Variants in PCDHGA5 observed in about 807,000 individuals in gnomAD.
PCDHGA5 encodes the protein protocadherin gamma-A5.
A neutral mutation model predicts 56.7 loss-of-function variants in PCDHGA5; 36 were observed. The observed-to-expected ratio is 0.64, with a 90% confidence interval of 0.49 to 0.84. PCDHGA5 has a LOEUF of 0.84. PCDHGA5 is among the 40% of genes least tolerant of loss of function. The pLI is 0.00. For missense variants in PCDHGA5, 1,305 were observed against 1,201.5 expected, an observed-to-expected ratio of 1.09 and a Z score of -1.27; for synonymous variants, 563 against 520.2, an observed-to-expected ratio of 1.08 and a Z score of -1.12.
intron 1 of PCDHGA5, among the ~76,000 whole-genome samples, chr5:141,453,258 T>A (rs1336801456): frequency 1.6e-4 from 25 of 152,096 alleles, no homozygotes; most frequent in Admixed American, 1.6e-3. Flanking sequence ...GGGCTGCAAG[T>A]GCACACCACC....
In PCDHGA5 at chr5:141,422,057, A is replaced by T. The variant is rs1356083259; in HGVS notation, c.2421+55306A>T. 3.1e-6 allele frequency: 5 copies of T among 1,611,974 alleles called. No individual in the cohort carries two copies. The South Asian group carries it at 5.5e-5, about 18-fold the overall frequency. On this transcript the variant is annotated intron_variant, in intron 1 of 3. Transcript: ENST00000518069. The stretch of plus-strand genomic sequence containing the variant: ...GATCCAGACGAGGGAATCAACGGGG[A>T]AGTAATGTATTCATTTCGGAACATG...
chr5:141,438,685 G>A (rs2098051190), intron 1 of PCDHGA5, among the ~76,000 whole-genome samples: 1 of 143,314 alleles, frequency 7.0e-6, no homozygotes, highest in Non-Finnish European at 1.5e-5. Context: ...GTAGGGGATG[G>A]AGTCTTGCTC....
chr5:141,444,470 C>T (rs1275997551), intron 1 of PCDHGA5, among the ~76,000 whole-genome samples: 2 of 152,058 alleles, frequency 1.3e-5, no homozygotes, highest in African/African-American at 2.4e-5. Flanking sequence ...TGCGCCCGGT[C>T]GCGTACTGGA....
intron 1 of PCDHGA5, chr5:141,415,323 G>C: frequency 1.9e-6 from 3 of 1,614,236 alleles, no homozygotes; most frequent in South Asian, 2.2e-5. Flanking sequence ...TCGTGCTGCT[G>C]GCGCACAGGC....
intron 1 of PCDHGA5, chr5:141,392,651 C>G (rs1228467133): frequency 1.4e-6 from 1 of 708,830 alleles, no homozygotes; most frequent in Non-Finnish European, 2.2e-6. Flanking sequence ...CGAAGACCCG[C>G]AGATGCCACA....
At chr5:141,507,171 C>T (rs183042063) in intron 3 of PCDHGA5, 3 of 152,462 alleles carry the variant, frequency 2.0e-5, no homozygotes, top group South Asian at 2.1e-4. Context: ...AGGCTGTCCT[C>T]TTCCTCGAGC....
intron 1 of PCDHGA5, among the ~76,000 whole-genome samples, chr5:141,434,609 G>T (rs189866750): frequency 1.3e-5 from 2 of 151,946 alleles, no homozygotes; most frequent in Non-Finnish European, 2.9e-5. Flanking sequence ...CTTTATTTCC[G>T]CCCATCTCTT....
intron 3 of PCDHGA5, among the ~76,000 whole-genome samples, chr5:141,506,138 G>T (rs983643755): frequency 6.6e-6 from 1 of 152,134 alleles, no homozygotes; most frequent in African/African-American, 2.4e-5. Flanking sequence ...AGGAGAAGAA[G>T]AATATCATTT....
chr5:141,372,867 T>A, intron 1 of PCDHGA5: 1 of 1,387,652 alleles, frequency 7.2e-7, no homozygotes, highest in Non-Finnish European at 9.7e-7. Context: ...TTCATTGATT[T>A]AGAGATAAAA....
At chr5:141,403,495 C>T (rs2094413954) in intron 1 of PCDHGA5, 2 of 1,614,014 alleles carry the variant, frequency 1.2e-6, no homozygotes, top group Non-Finnish European at 1.7e-6. Flanking sequence ...TCTCCCTGAA[C>T]GTGCAGACTG....
chr5:141,483,750 A>G (rs1453478545), intron 1 of PCDHGA5, among the ~76,000 whole-genome samples: 1 of 152,138 alleles, frequency 6.6e-6, no homozygotes, highest in African/African-American at 2.4e-5. Flanking sequence ...ATTCCTGAGG[A>G]TCGAGGCTTG....
At chr5:141,433,352 T>G (rs976015031) in intron 1 of PCDHGA5, 1 of 614,162 alleles carries the variant, frequency 1.6e-6, no homozygotes, top group Admixed American at 3.0e-5. Flanking sequence ...AGCCACCTAC[T>G]GTCTGCCTAT....
At chr5:141,383,449 A>C (rs1231609078) in intron 1 of PCDHGA5, 1 of 1,613,892 alleles carries the variant, frequency 6.2e-7, no homozygotes, top group South Asian at 1.1e-5. Context: ...GGCTGTGCAA[A>C]GTGGAGACGA....
At chr5:141,394,072 T>C (rs1384581843) in intron 1 of PCDHGA5, 4 of 1,613,840 alleles carry the variant, frequency 2.5e-6, no homozygotes, top group Non-Finnish European at 3.4e-6. Context: ...ATCTACAATA[T>C]CACAGTGATG....
chr5:141,392,614 C>T (rs1000219739), intron 1 of PCDHGA5: 3 of 532,708 alleles, frequency 5.6e-6, no homozygotes, highest in African/African-American at 1.9e-5. Flanking sequence ...ACAAATGCAA[C>T]CGAAAACACT....
At chr5:141,400,685 T>G in intron 1 of PCDHGA5, 1 of 827,408 alleles carries the variant, frequency 1.2e-6, no homozygotes, top group South Asian at 1.8e-5. Context: ...AAATTGTGAG[T>G]TTTTATGTCG....
At chr5:141,394,290 G>C (rs759077173) in intron 1 of PCDHGA5, 5 of 1,613,918 alleles carry the variant, frequency 3.1e-6, no homozygotes, top group Admixed American at 1.7e-5. Context: ...CTCTGTGACC[G>C]AGGACACGCT....
chr5:141,385,507 AG>A, intron 1 of PCDHGA5: 1 of 1,376,812 alleles, frequency 7.3e-7, no homozygotes, highest in Non-Finnish European at 9.4e-7. Flanking sequence ...GTATTTCTTT[AG>A]TGAAAGCCTA....
At chr5:141,391,707 C>T (rs1004180070) in intron 1 of PCDHGA5, 1 of 152,154 alleles carries the variant, frequency 6.6e-6, no homozygotes, top group African/African-American at 2.4e-5. Context: ...CCAGGCTGGT[C>T]TTGAAGGGAA....
Sources: allele counts gnomAD v4.1 joint callset (sites outside exome capture counted in the v4.1 genomes callset), GRCh38; gene constraint gnomAD v4.1.1; transcripts MANE v1.5; gene names NCBI Gene and HGNC (gene_info 2026-07-23, HGNC 2026-07-21).